The following NIN variants were observed in gnomAD, a reference collection of about 807,000 sequenced individuals.
NIN encodes ninein, also known as glycogen synthase kinase 3 beta-interacting protein.
In NIN, 137 loss-of-function variants were observed where a neutral mutation model predicts 257.6. The observed-to-expected ratio is 0.53, with a 90% confidence interval of 0.46 to 0.61. NIN has a LOEUF of 0.61. NIN is among the 20% of genes least tolerant of loss of function. The probability of loss-of-function intolerance (pLI) is 0.00; values close to 1 mark genes in which losing one functional copy is unlikely to be tolerated. For synonymous variants in NIN, 918 were observed against 919.8 expected, an observed-to-expected ratio of 1.00 and a Z score of 0.04; for missense variants, 2,439 against 2,501.2, an observed-to-expected ratio of 0.98 and a Z score of 0.53.
intron 4 of NIN, among the ~76,000 whole-genome samples, chr14:50,805,720 T>G (rs79119928): frequency 6.6e-6 from 1 of 152,194 alleles, no homozygotes; most frequent in African/African-American, 2.4e-5. Flanking sequence ...GATGTTCTCT[T>G]TTTTAAAGTA....
At chr14:50,727,089 A>T (rs988443082) in intron 29 of NIN, 8 of 266,110 alleles carry the variant, frequency 3.0e-5, no homozygotes, top group Admixed American at 1.3e-4. Context: ...GCCTATATTT[A>T]AAAAAAAATA....
chr14:50,721,718 G>C lies in NIN; in HGVS notation c.*1745C>G, dbSNP rs2040273897. 4.5e-6 allele frequency: 1 copy of C among 220,154 alleles called. No individual in the cohort carries two copies. The highest frequency in any genetic ancestry group is 1.8e-4 in the South Asian group (1 of 5,414). The allele number at this position is 220,154 out of a possible 1,614,324, so 13.6% of individuals were successfully genotyped here. ...TTAAAATTAACTCTTTATCCAGGGG[G>C]AACTCAGGGCTTTCTGACAAGAGCT... On this transcript the variant is annotated 3_prime_UTR_variant, in exon 31 of 31. Coordinates refer to ENST00000530997, the MANE Select transcript of NIN (RefSeq NM_020921.4).
intron 22 of NIN, among the ~76,000 whole-genome samples, chr14:50,746,561 CCA>C (rs2041551217): frequency 6.6e-6 from 1 of 152,120 alleles, no homozygotes; most frequent in South Asian, 2.1e-4. Flanking sequence ...CTCAATGTTT[CCA>C]CATTCAGGAA....
intron 3 of NIN, among the ~76,000 whole-genome samples, chr14:50,807,372 ATCT>A (rs2044378479): frequency 6.6e-6 from 1 of 152,380 alleles, no homozygotes; most frequent in South Asian, 2.1e-4. Flanking sequence ...GGATAAAAGA[ATCT>A]TAAGAAGTAT....
intron 5 of NIN, among the ~76,000 whole-genome samples, chr14:50,783,225 T>TTTTTTTTTTTGTAGAGATGGGG (rs2043207444): frequency 0.011 from 2 of 174 alleles, no homozygotes; most frequent in Non-Finnish European, 0.023. Context: ...ATTTTTGTAT[T>TTTTTTTTTTTGTAGAGATGGGG]TTTTTTTTTT....
intron 4 of NIN, among the ~76,000 whole-genome samples, chr14:50,803,054 CA>C (rs2044165494): frequency 6.6e-6 from 1 of 152,032 alleles, no homozygotes; most frequent in Non-Finnish European, 1.5e-5. Flanking sequence ...AAAGGCAAAA[CA>C]AAAATAACAC....
intron 29 of NIN, chr14:50,727,526 C>T: frequency 8.1e-7 from 1 of 1,233,276 alleles, no homozygotes; most frequent in Non-Finnish European, 1.0e-6. Flanking sequence ...AAATAAGAGA[C>T]ATAATACTGC....
At chr14:50,783,018 C>T (rs1024307630) in intron 5 of NIN, among the ~76,000 whole-genome samples, 3 of 151,854 alleles carry the variant, frequency 2.0e-5, no homozygotes, top group African/African-American at 4.8e-5. Flanking sequence ...TCCTCATCTT[C>T]GATGATTTCA....
chr14:50,758,652 CATT>C (rs1456172112), intron 17 of NIN, 22 bp from the exon 18 acceptor site: 1 of 1,525,334 alleles, frequency 6.6e-7, no homozygotes, highest in South Asian at 1.3e-5. Flanking sequence ...CAACATACAG[CATT>C]ATTGAAACTG....
intron 6 of NIN, 62 bp downstream of exon 6, chr14:50,778,693 AGAAAGACCGG>A: frequency 1.5e-6 from 2 of 1,338,160 alleles, no homozygotes; most frequent in South Asian, 2.3e-5. Flanking sequence ...ATAAGAGATC[AGAAAGACCGG>A]GTGTGGAGAG....
In NIN at chr14:50,762,567, T is replaced by C. The variant is rs554743700; in HGVS notation, c.1775-656A>G. Reference sequence around the variant, plus strand: ...AAAATTTTAAAAAACAGGGCATAGGTTAGGAACCAGGATACAGGCAGTTGT... The same window carrying C: ...AAAATTTTAAAAAACAGGGCATAGGCTAGGAACCAGGATACAGGCAGTTGT... On this transcript the variant is annotated intron_variant, in intron 15 of 30. Coordinates refer to ENST00000530997, the MANE Select transcript of NIN (RefSeq NM_020921.4). Among the ~76,000 whole-genome samples, 28 of 152,238 alleles carry C rather than the reference T, an allele frequency of 1.8e-4. 1 individual carries two copies. The highest frequency in any genetic ancestry group is 6.3e-4 in the African/African-American group (26 of 41,536).
chr14:50,821,008 T>C (rs1211968188), intron 3 of NIN, among the ~76,000 whole-genome samples: 1 of 152,206 alleles, frequency 6.6e-6, no homozygotes, highest in Admixed American at 6.5e-5. Context: ...CCTCAATTTA[T>C]ACGTGATAAA....
At chr14:50,731,599 G>T (rs1468911783) in intron 28 of NIN, among the ~76,000 whole-genome samples, 1 of 151,726 alleles carries the variant, frequency 6.6e-6, no homozygotes, top group Non-Finnish European at 1.5e-5. Flanking sequence ...ACTCTGGGAG[G>T]CCAAGGCAGG....
chr14:50,814,413 G>A (rs542100639), intron 3 of NIN, among the ~76,000 whole-genome samples: 2 of 152,230 alleles, frequency 1.3e-5, no homozygotes, highest in South Asian at 2.1e-4. Context: ...GCAAGTTAAC[G>A]GTGTCCTTGG....
At chr14:50,806,144 T>G (rs2044317079) in intron 4 of NIN, 2 of 152,184 alleles carry the variant, frequency 1.3e-5, no homozygotes, top group Admixed American at 1.3e-4. Flanking sequence ...CTATGGTGCT[T>G]AGAAAAAAAT....
intron 10 of NIN, 95 bp from the exon 11 acceptor site, chr14:50,771,087 CA>C: frequency 6.9e-7 from 1 of 1,443,476 alleles, no homozygotes. Context: ...AATACAGAAG[CA>C]AAACCAAGAC....
rs141552992 is a variant in NIN at position 50,727,297 on chromosome 14, T to C, written c.6079-1231A>G. 4,361 of 979,612 alleles carry C rather than the reference T, an allele frequency of 4.5e-3. 11 individuals are homozygous for C. Among genetic ancestry groups the C allele is most frequent in the Non-Finnish European group, 5.1e-3 (4,191 of 814,594 alleles). The allele number at this position is 979,612 out of a possible 1,614,324, so 60.7% of individuals were successfully genotyped here. On this transcript the variant is annotated intron_variant, in intron 29 of 30. Transcript: ENST00000530997. ...CTGTCAAAAAGATTTGTACATCTTA[T>C]ACAAAACAGTATAAATACCCCTGGT...
intron 4 of NIN, among the ~76,000 whole-genome samples, chr14:50,793,442 A>G (rs1456686186): frequency 1.3e-5 from 2 of 152,110 alleles, no homozygotes; most frequent in African/African-American, 4.8e-5. Context: ...TAAGCAATTA[A>G]TGACAGCTAG....
intron 3 of NIN, among the ~76,000 whole-genome samples, chr14:50,817,967 C>T (rs1191813403): frequency 3.3e-5 from 5 of 151,946 alleles, no homozygotes; most frequent in East Asian, 4.0e-4. Context: ...CCACCTGCCT[C>T]GGCCTCCCAA....
Sources: gnomAD v4.1 joint callset for allele counts (sites outside exome capture counted in the v4.1 genomes callset) on GRCh38, gnomAD v4.1.1 for gene constraint, MANE v1.5 for transcripts, NCBI Gene and HGNC (gene_info 2026-07-23, HGNC 2026-07-21) for gene names.